ATP2B4: variants seen among roughly 807,000 people sequenced by gnomAD.
ATP2B4 encodes ATPase plasma membrane Ca2+ transporting 4.
A neutral mutation model predicts 110.3 loss-of-function variants in ATP2B4; 39 were observed. The observed-to-expected ratio is 0.35, with a 90% CI of 0.27 to 0.46. The LOEUF (loss-of-function observed/expected upper bound fraction) is 0.46, where lower values mean the gene tolerates loss of function less well. Ranked by LOEUF, ATP2B4 falls within the 20% of genes least tolerant of loss-of-function variation. The pLI is 1.00. For synonymous variants in ATP2B4, 538 were observed against 571.7 expected, an observed-to-expected ratio of 0.94 and a Z score of 0.84; for missense variants, 1,135 against 1,530.9, an observed-to-expected ratio of 0.74 and a Z score of 4.32.
At chr1:203,650,038 A>C (rs1390117468) in intron 1 of ATP2B4, among the ~76,000 whole-genome samples, 1 of 152,166 alleles carries the variant, frequency 6.6e-6, no homozygotes, top group African/African-American at 2.4e-5. Context: ...GATTTACCCC[A>C]GCCTTCCCTT....
At chr1:203,734,043 C>T (rs1232112193) in intron 20 of ATP2B4, among the ~76,000 whole-genome samples, 2 of 152,190 alleles carry the variant, frequency 1.3e-5, no homozygotes, top group Non-Finnish European at 2.9e-5. Context: ...CGATGGCTCA[C>T]GCCTGTAATC....
intron 1 of ATP2B4, among the ~76,000 whole-genome samples, chr1:203,670,008 C>A (rs552586297): frequency 8.3e-4 from 126 of 152,264 alleles, no homozygotes; most frequent in African/African-American, 2.7e-3. Context: ...CAACAATGAG[C>A]CCTGTGTCCA....
intron 20 of ATP2B4, chr1:203,733,450 G>C (rs1285735832): frequency 2.0e-6 from 3 of 1,490,382 alleles, no homozygotes; most frequent in Non-Finnish European, 2.7e-6. Flanking sequence ...GACCACAAGA[G>C]AGCACGTGGC....
chr1:203,635,146 G>A (rs1056714134), intron 1 of ATP2B4, among the ~76,000 whole-genome samples: 5 of 152,000 alleles, frequency 3.3e-5, no homozygotes, highest in Admixed American at 3.3e-4. Context: ...GGCTAATTTT[G>A]TATTTTTAGT....
chr1:203,705,379 A>G (rs769761606), intron 8 of ATP2B4, among the ~76,000 whole-genome samples: 3 of 152,104 alleles, frequency 2.0e-5, no homozygotes, highest in South Asian at 2.1e-4. Flanking sequence ...CTATTCTCCT[A>G]ATCCTTGCCT....
rs750007955 is a variant in ATP2B4, at chr1:203,707,920, A to G, written c.1373A>G (p.Asn458Ser). 6.2e-7 allele frequency: 1 copy of G among 1,614,092 alleles called. No individual in the cohort carries two copies. The highest frequency in any genetic ancestry group is 1.3e-5 in the African/African-American group (1 of 74,926). The change falls in exon 10 of 21, where the codon AAC (asparagine) becomes AGC (serine). Residue 458 changes from asparagine (N) to serine (S), a missense_variant. By Grantham distance (46) the Asn-to-Ser change is conservative (BLOSUM62 1). Coordinates refer to ENST00000357681, the MANE Select transcript of ATP2B4 (RefSeq NM_001684.5). ...TTGGATGCTTGTGAGACCATGGGCA[A>G]CGCCACCGCCATCTGCTCTGATAAG... ...RHLDACETMG[N>S]ATAICSDKTG...
chr1:203,739,944 A>G lies in ATP2B4; in HGVS notation c.*90A>G. The G allele has an allele frequency of 7.5e-7, 1 of 1,341,240 alleles. No homozygotes were observed. Among genetic ancestry groups the G allele is most frequent in the Admixed American group, 2.3e-5 (1 of 42,710 alleles). The allele number at this position is 1,341,240 out of a possible 1,614,324, so 83.1% of individuals were successfully genotyped here. ...GGTGATGATGGGACTTTTCATTGTC[A>G]CGTCAGCTGCTGTGTTAACAGCAGT... is the stretch of plus-strand genomic sequence containing the variant. On this transcript the variant is annotated 3_prime_UTR_variant, in exon 21 of 21. Transcript: ENST00000357681.
chr1:203,733,465 A>C, intron 20 of ATP2B4: 2 of 1,410,048 alleles, frequency 1.4e-6, no homozygotes, highest in Non-Finnish European at 1.9e-6. Context: ...CGTGGCATCC[A>C]CTTTAACCAA....
chr1:203,664,063 A>G (rs1043622450), intron 1 of ATP2B4, among the ~76,000 whole-genome samples: 3 of 152,220 alleles, frequency 2.0e-5, no homozygotes, highest in African/African-American at 7.2e-5. Context: ...AGTCCTGTCT[A>G]TCTTAAAAGA....
At chr1:203,647,493 C>T (rs1467740598) in intron 1 of ATP2B4, among the ~76,000 whole-genome samples, 1 of 152,050 alleles carries the variant, frequency 6.6e-6, no homozygotes, top group Admixed American at 6.5e-5. Context: ...GACACAGTGG[C>T]TCATGTCTAT....
intron 1 of ATP2B4, among the ~76,000 whole-genome samples, chr1:203,669,328 CA>C (rs1166788289): frequency 6.6e-6 from 1 of 152,160 alleles, no homozygotes; most frequent in Non-Finnish European, 1.5e-5. Flanking sequence ...TTTTAAGGTG[CA>C]AAGAATGTGG....
chr1:203,648,415 A>G (rs1463961253), intron 1 of ATP2B4, among the ~76,000 whole-genome samples: 1 of 152,190 alleles, frequency 6.6e-6, no homozygotes, highest in Admixed American at 6.5e-5. Flanking sequence ...TCTAGTGTCT[A>G]TGATGGGACA....
rs749186553 is a variant in ATP2B4, at chr1:203,699,545, G to A, written c.477G>A (p.Val159=). 10 of 1,614,164 alleles carry A rather than the reference G, an allele frequency of 6.2e-6. No individual in the cohort carries two copies. Among genetic ancestry groups the A allele is most frequent in the Non-Finnish European group, 8.5e-6 (10 of 1,180,028 alleles). The change falls in exon 4 of 21, where the codon GTG becomes GTA. Residue 159 remains valine, a synonymous_variant. Coordinates refer to ENST00000357681, the MANE Select transcript of ATP2B4 (RefSeq NM_001684.5). ...AGGGGGCAGCCATCCTTTTCTCAGT[G>A]ATCATCGTGGTGTTAGTGACTGCCT... ...WIEGAAILFS[V]IIVVLVTAFN...
chr1:203,662,255 G>A (rs190021940), intron 1 of ATP2B4, among the ~76,000 whole-genome samples: 19 of 152,170 alleles, frequency 1.2e-4, no homozygotes, highest in East Asian at 5.8e-4. Flanking sequence ...CTCGATCTCC[G>A]GACCTCATGA....
At position 203,710,897 on chromosome 1, in the gene ATP2B4, G is replaced by A. The variant is rs200815867; in HGVS notation, c.1820G>A (p.Arg607Gln). 201 of 1,613,408 alleles carry A rather than the reference G, an allele frequency of 1.2e-4. 1 individual carries two copies. The highest frequency in any genetic ancestry group is 1.0e-4 in the Admixed American group (6 of 59,914). The stretch of plus-strand genomic sequence containing the variant: ...CCCAGGTGTAATCGAATCCTGGACC[G>A]GAAAGGGGAAGCAGTGCCATTCAAG... ...ILRKCNRILD[R>Q]KGEAVPFKNK... Residue 607 changes from arginine to glutamine, a missense_variant, in exon 12 of 21, where the codon CGG (arginine) becomes CAG (glutamine). Transcript: ENST00000357681.
chr1:203,724,599 A>T (rs531499477), intron 19 of ATP2B4, among the ~76,000 whole-genome samples: 53 of 152,162 alleles, frequency 3.5e-4, no homozygotes, highest in African/African-American at 5.5e-4. Flanking sequence ...ACAAAAAAAA[A>T]ATATATAATA....
At chr1:203,645,499 A>C (rs1663768334) in intron 1 of ATP2B4, among the ~76,000 whole-genome samples, 1 of 151,838 alleles carries the variant, frequency 6.6e-6, no homozygotes, top group African/African-American at 2.4e-5. Flanking sequence ...TTCATTTAAA[A>C]AGCATCTATA....
chr1:203,636,910 T>C (rs1406391277), intron 1 of ATP2B4, among the ~76,000 whole-genome samples: 1 of 152,154 alleles, frequency 6.6e-6, no homozygotes, highest in Admixed American at 6.5e-5. Context: ...AAAAAGCATA[T>C]GGCTTTGAAC....
intron 1 of ATP2B4, among the ~76,000 whole-genome samples, chr1:203,631,732 A>T (rs1663274131): frequency 6.6e-6 from 1 of 152,168 alleles, no homozygotes; most frequent in Non-Finnish European, 1.5e-5. Flanking sequence ...TACGTCTAGG[A>T]ATTTATCCAG....
Sources: gnomAD v4.1 joint callset for allele counts (sites outside exome capture counted in the v4.1 genomes callset) on GRCh38, gnomAD v4.1.1 for gene constraint, MANE v1.5 for transcripts, NCBI Gene and HGNC (gene_info 2026-07-23, HGNC 2026-07-21) for gene names.